Variants in MPPED2 observed in about 807,000 individuals in gnomAD.
The protein encoded by MPPED2 is metallophosphoesterase domain containing 2.
In MPPED2, 5 loss-of-function variants were observed where a neutral mutation model predicts 33.0. The ratio of observed to expected loss-of-function variants is 0.15; its 90% CI spans 0.08 to 0.32. The LOEUF is 0.32. Ranked by LOEUF, MPPED2 falls within the 10% of genes least tolerant of loss-of-function variation. The pLI is 1.00. For missense variants in MPPED2, 275 were observed against 372.1 expected (o/e 0.74, Z 2.15); for synonymous variants, 136 against 141.9 (o/e 0.96, Z 0.29).
exon 7 of MPPED2, chr11:30,386,865 G>A (rs1267603345): frequency 2.5e-6 from 1 of 397,732 alleles, no homozygotes; most frequent in Non-Finnish European, 4.4e-6. Context: ...AGTAGTAGTA[G>A]TAATAATAAT....
intron 1 of MPPED2, among the ~76,000 whole-genome samples, chr11:30,581,906 T>C (rs1957186138): frequency 6.6e-6 from 1 of 152,214 alleles, no homozygotes; most frequent in South Asian, 2.1e-4. Flanking sequence ...CACTTTGGGT[T>C]CTCTTTCTTT....
intron 2 of MPPED2, among the ~76,000 whole-genome samples, chr11:30,550,159 C>G (rs1444306783): frequency 6.6e-6 from 1 of 152,156 alleles, no homozygotes; most frequent in African/African-American, 2.4e-5. Flanking sequence ...TGGCGCTGTT[C>G]CGTGGAGGCA....
chr11:30,414,570 A>G (rs190941669), intron 5 of MPPED2, among the ~76,000 whole-genome samples: 37 of 151,612 alleles, frequency 2.4e-4, no homozygotes, highest in Middle Eastern at 3.4e-3. Flanking sequence ...CTGTTAATTA[A>G]CATTTTTTTT....
chr11:30,450,303 C>G (rs1048774226), intron 4 of MPPED2, among the ~76,000 whole-genome samples: 4 of 152,334 alleles, frequency 2.6e-5, no homozygotes, highest in African/African-American at 9.6e-5. Flanking sequence ...AAGAGTCCTA[C>G]TCCTTGTCTA....
rs139805469 is a variant in MPPED2, at chr11:30,512,549, C to T, written c.311-17028G>A. Among the ~76,000 whole-genome samples, 258 of 152,236 alleles carry T rather than the reference C, an allele frequency of 1.7e-3. 1 individual carries two copies. Among genetic ancestry groups the T allele is most frequent in the African/African-American group, 5.9e-3 (246 of 41,540 alleles). On this transcript the variant is annotated intron_variant, in intron 3 of 6. Coordinates refer to ENST00000358117, the MANE Select transcript of MPPED2 (RefSeq NM_001584.3). ...AAGGAGGGAGGGATAAAGTTTTACCCCACAACACCACATTTCTAGCCCCTC... is the reference window on the plus strand; with the variant it reads ...AAGGAGGGAGGGATAAAGTTTTACCTCACAACACCACATTTCTAGCCCCTC...
Position 30,410,402 on chromosome 11 carries a change from C to T in MPPED2, c.*1066G>A. ...TGACTATTAGCGACAATATTTTGTG[C>T]TAGCGAAGATTGCATCGACACACAG... is the stretch of plus-strand genomic sequence containing the variant. On this transcript the variant is annotated 3_prime_UTR_variant, in exon 7 of 7. Transcript: ENST00000358117. 1 of 985,782 alleles carries T rather than the reference C, an allele frequency of 1.0e-6. No homozygotes were observed. Among genetic ancestry groups the T allele is most frequent in the Non-Finnish European group, 1.2e-6 (1 of 829,886 alleles). The allele number at this position is 985,782 out of a possible 1,614,324, so 61.1% of individuals were successfully genotyped here. A position where few individuals can be genotyped will look rare whatever the true frequency, so the allele number is the denominator to read the frequency against.
intron 3 of MPPED2, among the ~76,000 whole-genome samples, chr11:30,513,326 G>A (rs1440084513): frequency 6.6e-6 from 1 of 151,940 alleles, no homozygotes; most frequent in African/African-American, 2.4e-5. Flanking sequence ...TCTCTTTTTT[G>A]GTCAGGCCTT....
At chr11:30,408,564 C>A (rs1269247753), downstream of MPPED2, among the ~76,000 whole-genome samples, 1 of 152,178 alleles carries the variant, frequency 6.6e-6, no homozygotes, top group African/African-American at 2.4e-5. Flanking sequence ...CCCGCCTCAG[C>A]CTCCCAAAGT....
intron 3 of MPPED2, among the ~76,000 whole-genome samples, chr11:30,517,150 G>C (rs1242951889): frequency 6.6e-6 from 1 of 152,130 alleles, no homozygotes; most frequent in Non-Finnish European, 1.5e-5. Flanking sequence ...ACTAAAATTT[G>C]CAGCACTTCT....
intron 6 of MPPED2, among the ~76,000 whole-genome samples, chr11:30,393,253 T>C (rs1367230814): frequency 6.6e-6 from 1 of 151,946 alleles, no homozygotes; most frequent in East Asian, 1.9e-4. Flanking sequence ...ACCCTATCTC[T>C]GCTCTCACTA....
intron 4 of MPPED2, among the ~76,000 whole-genome samples, chr11:30,436,771 T>C (rs1472681966): frequency 6.6e-6 from 1 of 152,192 alleles, no homozygotes; most frequent in Non-Finnish European, 1.5e-5. Context: ...CTCACATTTT[T>C]CCCATTAAGT....
chr11:30,403,052 T>C (rs1947932432), intron 6 of MPPED2, among the ~76,000 whole-genome samples: 1 of 152,126 alleles, frequency 6.6e-6, no homozygotes, highest in Non-Finnish European at 1.5e-5. Context: ...GAGACCATCC[T>C]GGCTAACATG....
intron 4 of MPPED2, among the ~76,000 whole-genome samples, chr11:30,489,535 A>G (rs906902997): frequency 3.9e-5 from 6 of 152,194 alleles, no homozygotes; most frequent in Non-Finnish European, 8.8e-5. Flanking sequence ...TGAAAATGCA[A>G]CTCAACAGAC....
intron 3 of MPPED2, among the ~76,000 whole-genome samples, chr11:30,513,694 G>T (rs1443659425): frequency 6.6e-6 from 1 of 152,050 alleles, no homozygotes; most frequent in Non-Finnish European, 1.5e-5. Flanking sequence ...TCATTTCTAT[G>T]GGAAAGGGAC....
Position 30,535,984 on chromosome 11 carries a change from C to CCCA in MPPED2, c.310+9_310+10insTGG. The stretch of plus-strand genomic sequence containing the variant: ...TTAATTGGGGCCGCCAGAACGCAAT[C>CCCA]ATTCCTTACCTAACCAGTCATTAAA... On this transcript the variant is annotated intron_variant, in intron 3 of 6. Transcript: ENST00000358117. 1 of 1,583,776 alleles carries CCCA rather than the reference C, an allele frequency of 6.3e-7. No individual in the cohort carries two copies. Among genetic ancestry groups the CCCA allele is most frequent in the Non-Finnish European group, 8.6e-7 (1 of 1,166,796 alleles).
At chr11:30,561,793 A>C (rs73459734) in intron 2 of MPPED2, among the ~76,000 whole-genome samples, 5,272 of 152,280 alleles carry the variant, frequency 0.035, 314 homozygotes, top group African/African-American at 0.12. Context: ...CTCAACCCTA[A>C]AGAAGAAGAT....
chr11:30,412,531 T>C (rs906677742), intron 6 of MPPED2, among the ~76,000 whole-genome samples: 3 of 152,152 alleles, frequency 2.0e-5, no homozygotes, highest in Non-Finnish European at 2.9e-5. Context: ...GAAAAGGCTT[T>C]TTTCCACATT....
chr11:30,408,630 A>T (rs900235735), downstream of MPPED2, among the ~76,000 whole-genome samples: 3 of 152,166 alleles, frequency 2.0e-5, no homozygotes, highest in African/African-American at 7.2e-5. Flanking sequence ...CTCAGAGGGC[A>T]TCCATCAACT....
chr11:30,440,432 A>G (rs1463656438), intron 4 of MPPED2, among the ~76,000 whole-genome samples: 1 of 152,154 alleles, frequency 6.6e-6, no homozygotes, highest in Non-Finnish European at 1.5e-5. Context: ...AGTAGCCATG[A>G]CAGAGACCAT....
Sources: gnomAD v4.1 joint callset for allele counts (sites outside exome capture counted in the v4.1 genomes callset) on GRCh38, gnomAD v4.1.1 for gene constraint, MANE v1.5 for transcripts, NCBI Gene and HGNC (gene_info 2026-07-23, HGNC 2026-07-21) for gene names.